DHX15: variants seen among roughly 807,000 people sequenced by gnomAD.
DHX15 encodes DEAH-box helicase 15.
Under a neutral mutation model 94.4 loss-of-function variants are expected in DHX15, and 11 were observed. The observed-to-expected ratio is 0.12, with a 90% CI of 0.07 to 0.19. DHX15 has a LOEUF of 0.19. Ranked by LOEUF, DHX15 falls within the 10% of genes least tolerant of loss-of-function variation. The pLI is 1.00. For synonymous variants in DHX15, 338 were observed against 329.9 expected (o/e 1.02, Z -0.27); for missense variants, 304 against 988.5 (o/e 0.31, Z 9.29).
At chr4:24,548,356 G>C (rs1721504066) in intron 6 of DHX15, among the ~76,000 whole-genome samples, 2 of 151,724 alleles carry the variant, frequency 1.3e-5, no homozygotes, top group African/African-American at 4.8e-5. Context: ...TGTTGGTCAG[G>C]CTGGTCTCAA....
chr4:24,560,482 G>A (rs528587058), intron 3 of DHX15, among the ~76,000 whole-genome samples: 2 of 152,180 alleles, frequency 1.3e-5, no homozygotes, highest in African/African-American at 4.8e-5. Flanking sequence ...AATTCAATAC[G>A]TGTACAAAAT....
At chr4:24,550,348 G>C (rs1721569183) in intron 5 of DHX15, among the ~76,000 whole-genome samples, 1 of 151,782 alleles carries the variant, frequency 6.6e-6, no homozygotes, top group African/African-American at 2.4e-5. Flanking sequence ...ATTAACCTTA[G>C]CTTACTACAA....
At chr4:24,545,997 T>C (rs1293943464) in intron 6 of DHX15, among the ~76,000 whole-genome samples, 1 of 152,138 alleles carries the variant, frequency 6.6e-6, no homozygotes, top group Non-Finnish European at 1.5e-5. Context: ...GAACTCACTT[T>C]TTTTCTAATA....
intron 5 of DHX15, among the ~76,000 whole-genome samples, chr4:24,553,176 T>C (rs1324589062): frequency 6.6e-6 from 1 of 151,794 alleles, no homozygotes; most frequent in Admixed American, 6.6e-5. Context: ...TACCAATTAG[T>C]TGGGCATGGT....
intron 3 of DHX15, among the ~76,000 whole-genome samples, chr4:24,565,652 T>C (rs1445788735): frequency 6.6e-6 from 1 of 152,232 alleles, no homozygotes; most frequent in Non-Finnish European, 1.5e-5. Flanking sequence ...ATTCAATTAT[T>C]GTGCCAAAAG....
At chr4:24,577,173 T>C (rs1577352038) in intron 1 of DHX15, among the ~76,000 whole-genome samples, 2 of 152,186 alleles carry the variant, frequency 1.3e-5, no homozygotes. Context: ...CAGTGGTGGG[T>C]TTTGCTCAAT....
chr4:24,563,328 C>A (rs566507670), intron 3 of DHX15: 1 of 152,080 alleles, frequency 6.6e-6, no homozygotes, highest in Non-Finnish European at 1.5e-5. Flanking sequence ...ACCTGATAGT[C>A]CCCCGCTCTC....
intron 5 of DHX15, among the ~76,000 whole-genome samples, chr4:24,553,618 TA>T (rs1399391506): frequency 6.7e-6 from 1 of 148,924 alleles, no homozygotes; most frequent in African/African-American, 2.5e-5. Flanking sequence ...TACTAAAAAT[TA>T]AAAAAAAATT....
chr4:24,546,965 TG>T (rs1278304986), intron 6 of DHX15, among the ~76,000 whole-genome samples: 1 of 152,210 alleles, frequency 6.6e-6, no homozygotes, highest in African/African-American at 2.4e-5. Flanking sequence ...AAATTACATA[TG>T]AACAGTAAAA....
At chr4:24,532,240 C>A (rs1721100516) in intron 12 of DHX15, among the ~76,000 whole-genome samples, 1 of 152,178 alleles carries the variant, frequency 6.6e-6, no homozygotes, top group Admixed American at 6.5e-5. Flanking sequence ...CTAAATAAAA[C>A]CTTTTAAATT....
chr4:24,533,104 A>G (rs1721120978), intron 11 of DHX15, 50 bp from the exon 12 acceptor site: 1 of 1,451,766 alleles, frequency 6.9e-7, no homozygotes, highest in East Asian at 2.3e-5. Context: ...AATCACCCAC[A>G]CAGGAATGTT....
intron 8 of DHX15, among the ~76,000 whole-genome samples, chr4:24,541,449 C>T (rs1721308110): frequency 6.6e-6 from 1 of 151,958 alleles, no homozygotes; most frequent in African/African-American, 2.4e-5. Context: ...TTGATGCTGG[C>T]AATTTGGATA....
At chr4:24,529,569 CA>C (rs766284021) in intron 13 of DHX15, 31 bp downstream of exon 13, 1 of 1,606,178 alleles carries the variant, frequency 6.2e-7, no homozygotes. Context: ...AAAGTACTAA[CA>C]AAAAACTGTT....
chr4:24,556,659 T>A (rs904470613), intron 3 of DHX15, among the ~76,000 whole-genome samples: 1 of 152,170 alleles, frequency 6.6e-6, no homozygotes, highest in African/African-American at 2.4e-5. Context: ...TGGGAAGACA[T>A]GATATGACCA....
At chr4:24,571,671 C>T (rs1037450844) in intron 2 of DHX15, among the ~76,000 whole-genome samples, 7 of 152,204 alleles carry the variant, frequency 4.6e-5, no homozygotes, top group African/African-American at 1.7e-4. Context: ...AACTGGTTTA[C>T]ATCAAAGCTT....
rs1368213688 is a variant in DHX15, at chr4:24,566,751, G to A, written c.701+3903C>T. 2.0e-5 allele frequency among the ~76,000 whole-genome samples: 3 copies of A among 152,266 alleles called. 1 individual carries two copies. Among genetic ancestry groups the A allele is most frequent in the South Asian group, 4.1e-4 (2 of 4,820 alleles). On this transcript the variant is annotated intron_variant, in intron 3 of 13. Transcript: ENST00000336812. ...TGAGGCATGAGAATCGCTTGAACCC[G>A]GCGGGTGGAGGTTGCAGTGAGCCGA...
rs1446805767 is a variant in DHX15 at position 24,533,015 on chromosome 4, T to C, written c.1949A>G (p.Asn650Ser). The change falls in exon 12 of 14, where the codon AAC becomes AGC. Residue 650 changes from asparagine to serine, a missense_variant. Coordinates refer to ENST00000336812, the MANE Select transcript of DHX15 (RefSeq NM_001358.3). ...SVQWCYDNFI[N>S]YRSLMSADNV... ...GTCTGCGGACATCAGGGACCTGTAGTTAATGAAGTTGTCATAACACCACTG... is the reference window on the plus strand; with the variant it reads ...GTCTGCGGACATCAGGGACCTGTAGCTAATGAAGTTGTCATAACACCACTG... 1 of 1,613,968 alleles carries C rather than the reference T, an allele frequency of 6.2e-7. No homozygotes were observed. Among genetic ancestry groups the C allele is most frequent in the African/African-American group, 1.3e-5 (1 of 74,904 alleles).
At chr4:24,559,375 T>TAAA (rs535455690) in intron 3 of DHX15, among the ~76,000 whole-genome samples, 5,509 of 93,060 alleles carry the variant, frequency 0.059, 198 homozygotes, top group Middle Eastern at 0.17. Context: ...TTTAAGCCAC[T>TAAA]AAAAAAAAAA....
chr4:24,577,853 A>C (rs1190639368), intron 1 of DHX15, among the ~76,000 whole-genome samples: 1 of 152,200 alleles, frequency 6.6e-6, no homozygotes, highest in African/African-American at 2.4e-5. Context: ...GTCCATCAGC[A>C]GAGAAATTTG....
Sources: gnomAD v4.1 joint callset for allele counts (sites outside exome capture counted in the v4.1 genomes callset) on GRCh38, gnomAD v4.1.1 for gene constraint, MANE v1.5 for transcripts, NCBI Gene and HGNC (gene_info 2026-07-23, HGNC 2026-07-21) for gene names.